The following USP34 variants were observed in gnomAD, a reference collection of about 807,000 sequenced individuals.
The protein encoded by USP34 is ubiquitin specific peptidase 34.
In USP34, 70 loss-of-function variants were observed where a neutral mutation model predicts 460.3. That is an observed-to-expected ratio of 0.15 (90% CI 0.13 to 0.19). The LOEUF (loss-of-function observed/expected upper bound fraction) is 0.19. Among genes scored for constraint, USP34 ranks in the 10% least tolerant of loss-of-function variants. USP34 has a pLI of 1.00. For missense variants in USP34, 3,985 were observed against 4,236.2 expected (o/e 0.94, Z 1.65); for synonymous variants, 1,647 against 1,405.3 (o/e 1.17, Z -3.85).
rs1687526885 is a variant in USP34 at position 61,220,438 on chromosome 2, G to A, written c.7919C>T (p.Ser2640Phe). Residue 2640 changes from serine (S) to phenylalanine (F), a missense_variant, in exon 67 of 80, where the codon TCT becomes TTT. Ser to Phe is a radical substitution (Grantham distance 155, BLOSUM62 -2). Transcript: ENST00000398571. ...RIWEVIEYNP[S>F]QCLDWLAVQT... ...CACTGCCAACCAATCTAGACACTGAGAAGGATTGTATTCAATCACCTACAA... is the reference window on the plus strand; with the variant it reads ...CACTGCCAACCAATCTAGACACTGAAAAGGATTGTATTCAATCACCTACAA... 6.2e-7 allele frequency: 1 copy of A among 1,612,944 alleles called. No individual in the cohort carries two copies. Among genetic ancestry groups the A allele is most frequent in the Non-Finnish European group, 8.5e-7 (1 of 1,179,606 alleles).
At chr2:61,229,511 C>T in intron 59 of USP34, 37 bp downstream of exon 59, 1 of 1,060,940 alleles carries the variant, frequency 9.4e-7, no homozygotes, top group Non-Finnish European at 1.4e-6. Context: ...ACACACACAA[C>T]ACAGACACAC....
intron 75 of USP34, among the ~76,000 whole-genome samples, chr2:61,198,095 T>C (rs1241913608): frequency 6.6e-6 from 1 of 152,104 alleles, no homozygotes; most frequent in East Asian, 1.9e-4. Context: ...AAATAACTTA[T>C]TAAAATTACA....
intron 19 of USP34, 54 bp downstream of exon 19, chr2:61,333,828 C>A (rs1221479003): frequency 2.4e-6 from 3 of 1,248,940 alleles, no homozygotes; most frequent in Non-Finnish European, 3.2e-6. Flanking sequence ...CTTTAGATAA[C>A]TATAATTAGA....
chr2:61,420,933 A>G (rs762159178), intron 1 of USP34, 100 bp from the exon 2 acceptor site: 61 of 741,836 alleles, frequency 8.2e-5, no homozygotes, highest in East Asian at 2.4e-4. Context: ...CAAACATTTC[A>G]GATAATCATT....
chr2:61,384,929 T>C (rs1028674117), intron 5 of USP34, among the ~76,000 whole-genome samples: 2 of 152,016 alleles, frequency 1.3e-5, no homozygotes, highest in African/African-American at 4.8e-5. Context: ...TTTAAAATAA[T>C]ACTCTGAGAT....
In USP34 at chr2:61,347,958, T is replaced by A. The variant is rs757158126; in HGVS notation, c.2197A>T (p.Thr733Ser). The change falls in exon 15 of 80, where the codon ACT becomes TCT. Residue 733 changes from threonine to serine, a missense_variant. Thr to Ser is a moderately conservative substitution (Grantham distance 58). Around this residue, in one of 14 missense-constraint regions of USP34, gnomAD observed 716 missense variants for 626.2 expected, o/e 1.14. Coordinates refer to ENST00000398571, the MANE Select transcript of USP34 (RefSeq NM_014709.4). ...CAATTAAATAATTCATTCCCAATAG[T>A]CTCCCCAAGGAAGTCCCCAGTTCGT... is the stretch of plus-strand genomic sequence containing the variant. ...ITRTGDFLGE[T>S]IGNELFNCRQ... 1 of 1,614,016 alleles carries A rather than the reference T, an allele frequency of 6.2e-7. No homozygotes were observed. The highest frequency in any genetic ancestry group is 1.3e-5 in the African/African-American group (1 of 74,922).
At chr2:61,207,562 A>T (rs1267471890) in intron 70 of USP34, 1 of 152,226 alleles carries the variant, frequency 6.6e-6, no homozygotes, top group Non-Finnish European at 1.5e-5. Context: ...TACAGTATGT[A>T]ACTTGTAAGC....
At chr2:61,301,280 AACT>A (rs1333973645) in intron 28 of USP34, 71 bp downstream of exon 28, 28 of 1,538,692 alleles carry the variant, frequency 1.8e-5, no homozygotes, top group Middle Eastern at 1.7e-4. Context: ...GCTGTTTTTA[AACT>A]ACATCTGCGA....
chr2:61,292,571 A>T (rs147564839), intron 33 of USP34, among the ~76,000 whole-genome samples: 136 of 152,330 alleles, frequency 8.9e-4, no homozygotes, highest in Non-Finnish European at 1.6e-3. Context: ...CACTGACGAT[A>T]GCTGATGAGC....
At position 61,295,235 on chromosome 2, in the gene USP34, A is replaced by C; in HGVS notation, c.4310T>G (p.Leu1437Arg). 1.2e-6 allele frequency: 2 copies of C among 1,610,866 alleles called. No homozygotes were observed. Among genetic ancestry groups the C allele is most frequent in the Non-Finnish European group, 1.7e-6 (2 of 1,178,770 alleles). The change falls in exon 31 of 80, where the codon CTA (leucine) becomes CGA (arginine). Residue 1437 changes from leucine to arginine, a missense_variant. Physicochemically the swap from Leu to Arg is moderately radical, Grantham distance 102. This residue lies in a region of USP34 where 1,114 missense variants were observed against 1,122.5 expected (regional missense o/e 0.99). Coordinates refer to ENST00000398571, the MANE Select transcript of USP34 (RefSeq NM_014709.4). Reference sequence around the variant, plus strand: ...TTCAATAATTTCCAGAGCATACAATAGCTTGTGGGCGCTCTTAATTTTGAG... The same window carrying C: ...TTCAATAATTTCCAGAGCATACAATCGCTTGTGGGCGCTCTTAATTTTGAG... ...ELLKIKSAHK[L>R]LYALEIIEAL...
intron 53 of USP34, among the ~76,000 whole-genome samples, chr2:61,238,606 A>G (rs1450260527): frequency 1.3e-5 from 2 of 152,182 alleles, no homozygotes; most frequent in Admixed American, 6.5e-5. Context: ...CTAAAAAACC[A>G]CATTCTGGTT....
In USP34 at chr2:61,188,298, T is replaced by A. The variant is rs1442491387; in HGVS notation, c.10445A>T (p.Asp3482Val). 14 of 1,613,744 alleles carry A rather than the reference T, an allele frequency of 8.7e-6. No individual in the cohort carries two copies. Among genetic ancestry groups the A allele is most frequent in the Non-Finnish European group, 1.2e-5 (14 of 1,180,020 alleles). The part of the protein sequence containing the change: ...SISAVLSDLA[D>V]LRSCDGQALP... ...AGCTTGGCCATCACAGCTTCTCAAG[T>A]CAGCTAAGTCAGACAGAACTGCAGA... Residue 3482 changes from aspartate to valine, a missense_variant, in exon 80 of 80, where the codon GAC becomes GTC. Transcript: ENST00000398571.
chr2:61,406,710 A>T (rs1693883861), intron 2 of USP34, among the ~76,000 whole-genome samples: 1 of 151,916 alleles, frequency 6.6e-6, no homozygotes, highest in Admixed American at 6.6e-5. Flanking sequence ...TTTAAAAAAA[A>T]AAAAAAAATA....
chr2:61,245,486 CAGAT>C (rs1204583750), intron 50 of USP34, among the ~76,000 whole-genome samples, 198 bp from the exon 51 acceptor site: 4 of 151,196 alleles, frequency 2.6e-5, no homozygotes, highest in Non-Finnish European at 4.4e-5. Flanking sequence ...ACCTTATAAT[CAGAT>C]AGATCCATTT....
intron 66 of USP34, among the ~76,000 whole-genome samples, chr2:61,221,067 A>T (rs1222946184): frequency 1.3e-5 from 2 of 152,210 alleles, no homozygotes; most frequent in Non-Finnish European, 2.9e-5. Context: ...AAAGTCTAAA[A>T]TATTTGCTCT....
rs145321338 is a variant in USP34 at position 61,367,764 on chromosome 2, T to G, written c.1251+2557A>C. Among the ~76,000 whole-genome samples, 519 of 152,076 alleles carry G rather than the reference T, an allele frequency of 3.4e-3. 2 individuals are homozygous for G. Among genetic ancestry groups the G allele is most frequent in the African/African-American group, 0.011 (451 of 41,546 alleles). On this transcript the variant is annotated intron_variant, in intron 10 of 79. Coordinates refer to ENST00000398571, the MANE Select transcript of USP34 (RefSeq NM_014709.4). ...AAATAAAAATCTATATACAAATAAC[T>G]TTGAGACTGTGAATAATGCAAAAGA...
chr2:61,252,910 C>T (rs1299006014), intron 48 of USP34, among the ~76,000 whole-genome samples: 1 of 152,162 alleles, frequency 6.6e-6, no homozygotes, highest in East Asian at 1.9e-4. Context: ...CAAAACAAAA[C>T]ACATCACTAA....
intron 3 of USP34, 137 bp downstream of exon 3, chr2:61,405,571 G>C: frequency 1.1e-6 from 1 of 903,248 alleles, no homozygotes. Flanking sequence ...GAAATGCTCT[G>C]GAGAAACATT....
At chr2:61,366,204 G>C (rs1237823416) in intron 10 of USP34, among the ~76,000 whole-genome samples, 1 of 152,194 alleles carries the variant, frequency 6.6e-6, no homozygotes, top group Non-Finnish European at 1.5e-5. Context: ...GATTGTAGGC[G>C]TGAGCCACCA....
Sources: gnomAD v4.1 joint callset for allele counts (sites outside exome capture counted in the v4.1 genomes callset) on GRCh38, gnomAD v4.1.1 for gene constraint, gnomAD v4.1.1 regional missense constraint, MANE v1.5 for transcripts, NCBI Gene and HGNC (gene_info 2026-07-23, HGNC 2026-07-21) for gene names.